The following TAF1 variants were observed in gnomAD, a reference collection of about 807,000 sequenced individuals.
TAF1 encodes the protein TATA-box binding protein associated factor 1.
In TAF1, 2 loss-of-function variants were observed where a neutral mutation model predicts 138.5. The ratio of observed to expected loss-of-function variants is 0.01; its 90% confidence interval spans 0.01 to 0.05. The LOEUF is 0.05. Ranked by LOEUF, TAF1 falls within the 10% of genes least tolerant of loss-of-function variation. The pLI is 1.00. For synonymous variants in TAF1, 437 were observed against 503.2 expected (o/e 0.87, Z 1.76); for missense variants, 709 against 1,478.0 (o/e 0.48, Z 8.53).
chrX:71,393,224 T>TTGTGTGTGTGTGTGTG lies in TAF1; in HGVS notation c.3052-51_3052-36dup, dbSNP rs201372159. 31 of 955,865 alleles carry TTGTGTGTGTGTGTGTG rather than the reference T, an allele frequency of 3.2e-5. No individual in the cohort carries two copies. In the African/African-American group the frequency reaches 4.8e-4, roughly 15 times the overall value. 78.8% of individuals were successfully genotyped at this position (955,865 alleles called of 1,213,427 possible). On this transcript the variant is annotated intron_variant, in intron 20 of 37. Coordinates refer to ENST00000423759, the MANE Select transcript of TAF1 (RefSeq NM_004606.5). ...TTGTCCTTTGAAATCCCTGAATGATTTGTGTGTGTGTGTGTGTGTGTGTGT... is the reference window on the plus strand; with the variant it reads ...TTGTCCTTTGAAATCCCTGAATGATTTGTGTGTGTGTGTGTGTGTGTGTGTGTGTGTGTGTGTGTGT...
In TAF1 at chrX:71,459,659, T is replaced by A. The variant is rs753017159; in HGVS notation, c.5172T>A (p.Asp1724Glu). 1.7e-6 allele frequency: 2 copies of A among 1,211,487 alleles called. No homozygotes were observed. The highest frequency in any genetic ancestry group is 1.1e-6 in the Non-Finnish European group (1 of 895,445). ...YEDLLMSEGE[D>E]DEEDAGSDEE... ...ATTTGCTTATGTCTGAAGGAGAAGA[T>A]GATGAGGAAGATGCTGGGAGTGATG... The change falls in exon 36 of 38, where the codon GAT (aspartate) becomes GAA (glutamate). Residue 1724 changes from aspartate to glutamate, a missense_variant. Coordinates refer to ENST00000423759, the MANE Select transcript of TAF1 (RefSeq NM_004606.5).
intron 35 of TAF1, 121 bp from the exon 36 acceptor site, chrX:71,459,428 ACTT>A: frequency 9.9e-7 from 1 of 1,011,566 alleles, no homozygotes; most frequent in Non-Finnish European, 1.3e-6. Context: ...TAATTACTTA[ACTT>A]CTTGTGAGGC....
intron 18 of TAF1, among the ~76,000 whole-genome samples, chrX:71,391,776 G>A (rs1247512583): frequency 4.6e-5 from 5 of 108,903 alleles, no homozygotes; most frequent in East Asian, 2.9e-4. Flanking sequence ...ATAGGTGTGC[G>A]CCACCACGCC....
At position 71,375,215 on chromosome X, in the gene TAF1, A is replaced by T; in HGVS notation, c.401A>T (p.Lys134Met). Residue 134 changes from lysine (K) to methionine (M), a missense_variant, in exon 4 of 38, where the codon AAG becomes ATG. Transcript: ENST00000423759. ...YDADCEDIDC[K>M]LMPPPPPPPG... is the part of the protein sequence containing the mutation. ...GCTGATTGTGAAGACATTGATTGCAAGTTGATGCCTCCTCCACCTCCACCC... is the reference window on the plus strand; with the variant it reads ...GCTGATTGTGAAGACATTGATTGCATGTTGATGCCTCCTCCACCTCCACCC... 2 of 1,211,317 alleles carry T rather than the reference A, an allele frequency of 1.7e-6. No individual in the cohort carries two copies. Among genetic ancestry groups the T allele is most frequent in the Non-Finnish European group, 2.2e-6 (2 of 895,381 alleles).
At chrX:71,467,151 G>A (rs139538345), downstream of TAF1, among the ~76,000 whole-genome samples, 470 of 103,846 alleles carry the variant, frequency 4.5e-3, 18 homozygotes, top group East Asian at 0.12. Context: ...GGGGGATGTG[G>A]CAGGGTCATA....
At chrX:71,415,965 A>G (rs771956289) in intron 28 of TAF1, among the ~76,000 whole-genome samples, 19 of 806 alleles carry the variant, frequency 0.024, 2 homozygotes, top group Non-Finnish European at 0.11. Context: ...TTGAGAATCA[A>G]TTTATTTCTC....
rs749208177 is a variant in TAF1 at position 71,463,830 on chromosome X, G to A, written c.5406G>A (p.Gly1802=). 8.3e-7 allele frequency: 1 copy of A among 1,209,508 alleles called. No individual in the cohort carries two copies. The highest frequency in any genetic ancestry group is 1.8e-5 in the South Asian group (1 of 56,713). ...GACATGTTTCTCTTCTCAGTTATGG[G>A]AGCTATGAGGAGCCTGATCCCAAGT... The part of the protein sequence containing the change: ...HGLEDSNISY[G]SYEEPDPKSN... Residue 1802 remains glycine, a synonymous_variant, in exon 38 of 38, where the codon GGG becomes GGA. Coordinates refer to ENST00000423759, the MANE Select transcript of TAF1 (RefSeq NM_004606.5).
intron 34 of TAF1, chrX:71,455,134 C>A: frequency 1.0e-6 from 1 of 963,656 alleles, no homozygotes; most frequent in South Asian, 2.2e-5. Context: ...CCTGACCCAG[C>A]CATCCTCTGG....
chrX:71,471,332 A>AAAT (rs1556018473), intron 13 of TAF1, among the ~76,000 whole-genome samples: 2 of 99,035 alleles, frequency 2.0e-5, no homozygotes, highest in African/African-American at 7.8e-5. Flanking sequence ...AAAAAAAAAA[A>AAAT]ATATATATAT....
rs144087024 is a variant in TAF1 at position 71,381,813 on chromosome X, A to G, written c.1431A>G (p.Val477=). 1,866 of 1,206,165 alleles carry G rather than the reference A, an allele frequency of 1.5e-3. 2 individuals carry two copies. Among genetic ancestry groups the G allele is most frequent in the Non-Finnish European group, 1.9e-3 (1,706 of 893,150 alleles). The change falls in exon 9 of 38, where the codon GTA becomes GTG. Residue 477 remains valine, a synonymous_variant. Transcript: ENST00000423759. The part of the protein sequence containing the change: ...SIFPIDNEDL[V]YGRWEDNIIW... ...TTCCCATTGACAATGAGGATCTGGT[A>G]TATGGACGCTGGGAGGACAATATCA...
chrX:71,468,514 C>G (rs775473652), downstream of TAF1, among the ~76,000 whole-genome samples: 22 of 108,080 alleles, frequency 2.0e-4, no homozygotes, highest in African/African-American at 7.4e-4. Flanking sequence ...GGTGAAACCC[C>G]GTCTCTACTA....
chrX:71,380,876 A>T (rs1198994657), intron 8 of TAF1, among the ~76,000 whole-genome samples: 1 of 111,181 alleles, frequency 9.0e-6, no homozygotes, highest in African/African-American at 3.3e-5. Flanking sequence ...TTTTTAGTAG[A>T]GACGGGGTTT....
rs369235852 is a variant in TAF1, at chrX:71,369,770, T to C, written c.352+1600T>C. 6.7e-3 allele frequency among the ~76,000 whole-genome samples: 728 copies of C among 108,333 alleles called. 10 individuals are homozygous for C. Among genetic ancestry groups the C allele is most frequent in the African/African-American group, 0.022 (675 of 30,069 alleles). The allele number at this position is 108,333 out of a possible 115,157, so 94.1% of individuals were successfully genotyped here. ...ACAGGCGCCCACCACCACGCCTGGCTAATTTTTTTTTTTTTTGTATTTTTA... is the reference window on the plus strand; with the variant it reads ...ACAGGCGCCCACCACCACGCCTGGCCAATTTTTTTTTTTTTTGTATTTTTA... On this transcript the variant is annotated intron_variant, in intron 3 of 37. Coordinates refer to ENST00000423759, the MANE Select transcript of TAF1 (RefSeq NM_004606.5).
chrX:71,458,149 T>C (rs1308214823), intron 34 of TAF1, 92 bp from the exon 35 acceptor site: 1 of 1,076,070 alleles, frequency 9.3e-7, no homozygotes, highest in Non-Finnish European at 1.2e-6. Context: ...CTCTGCATGA[T>C]CTTTTTCTCC....
chrX:71,447,234 T>G lies in TAF1; in HGVS notation c.4754-6936T>G, dbSNP rs1343652252. Among the ~76,000 whole-genome samples the G allele has an allele frequency of 3.6e-5, 4 of 111,361 alleles. No individual in the cohort carries two copies. In the Admixed American group the frequency reaches 3.9e-4, roughly 11 times the overall value. ...CACCATCCACTGTCAAGATAATAAT[T>G]TATGCTGTTTTGACAGAGTACTCAT... On this transcript the variant is annotated intron_variant, in intron 32 of 37. Coordinates refer to ENST00000423759, the MANE Select transcript of TAF1 (RefSeq NM_004606.5).
At chrX:71,515,774 T>G (rs1318517403) in intron 13 of TAF1, among the ~76,000 whole-genome samples, 1 of 111,743 alleles carries the variant, frequency 8.9e-6, no homozygotes, top group Non-Finnish European at 1.9e-5. Context: ...ATACATACTT[T>G]CTCCCTGTTA....
At chrX:71,516,980 C>T (rs905856120) in intron 13 of TAF1, among the ~76,000 whole-genome samples, 2 of 111,138 alleles carry the variant, frequency 1.8e-5, no homozygotes, top group African/African-American at 3.3e-5. Context: ...CTGCCCGCCT[C>T]GGCCTCCCAA....
chrX:71,398,851 G>C, intron 24 of TAF1, 114 bp downstream of exon 24: 1 of 1,041,083 alleles, frequency 9.6e-7, no homozygotes, highest in Non-Finnish European at 1.3e-6. Context: ...ATTGTGGAAA[G>C]CTGGTTTGAA....
chrX:71,406,916 ATTT>A (rs878982877), intron 26 of TAF1, among the ~76,000 whole-genome samples, 170 bp downstream of exon 26: 2 of 95,602 alleles, frequency 2.1e-5, no homozygotes, highest in Non-Finnish European at 2.1e-5. Flanking sequence ...GAGAAAGTGG[ATTT>A]TTTTTTTTTT....
Sources: allele counts gnomAD v4.1 joint callset (sites outside exome capture counted in the v4.1 genomes callset), GRCh38; gene constraint gnomAD v4.1.1; transcripts MANE v1.5; gene names NCBI Gene and HGNC (gene_info 2026-07-23, HGNC 2026-07-21).